Variants in FGF12 observed in about 807,000 individuals in gnomAD.
FGF12 encodes fibroblast growth factor 12.
Under a neutral mutation model 23.6 loss-of-function variants are expected in FGF12, and 14 were observed. The ratio of observed to expected loss-of-function variants is 0.59; its 90% CI spans 0.39 to 0.93. The LOEUF (loss-of-function observed/expected upper bound fraction) is 0.93. Among genes scored for constraint, FGF12 ranks in the 40% least tolerant of loss-of-function variants. The pLI is 0.00. For synonymous variants in FGF12, 62 were observed against 77.3 expected (o/e 0.80, Z 1.04); for missense variants, 175 against 217.8 (o/e 0.80, Z 1.24).
chr3:192,537,950 C>CTTTTTTTTTTTTTTTTT lies in FGF12; in HGVS notation c.14-177413_14-177412insAAAAAAAAAAAAAAAAA, dbSNP rs370317111. Among the ~76,000 whole-genome samples the CTTTTTTTTTTTTTTTTT allele has an allele frequency of 1.5e-3, 180 of 121,326 alleles. 17 individuals carry two copies. Among genetic ancestry groups the CTTTTTTTTTTTTTTTTT allele is most frequent in the African/African-American group, 2.4e-3 (81 of 33,706 alleles). The allele number at this position is 121,326 out of a possible 152,430, so 79.6% of individuals were successfully genotyped here. On this transcript the variant is annotated intron_variant, in intron 2 of 5. Coordinates refer to ENST00000445105, the MANE Select transcript of FGF12 (RefSeq NM_004113.6). ...AAGGTCTTAGATTTAAGCCTTTAAC[C>CTTTTTTTTTTTTTTTTT]TTTTTTTTTTTTTGAGATGGAGTTT...
chr3:192,538,746 C>T (rs970756465), intron 2 of FGF12, among the ~76,000 whole-genome samples: 1 of 152,116 alleles, frequency 6.6e-6, no homozygotes. Context: ...AATATTTTAA[C>T]AATATTGATT....
intron 5 of FGF12, among the ~76,000 whole-genome samples, chr3:192,162,825 T>G (rs1714954730): frequency 6.6e-6 from 1 of 152,120 alleles, no homozygotes; most frequent in African/African-American, 2.4e-5. Context: ...ATTATGTAGT[T>G]TTGAAGGGAT....
chr3:192,160,418 T>C (rs1230514890), intron 5 of FGF12, among the ~76,000 whole-genome samples: 1 of 152,158 alleles, frequency 6.6e-6, no homozygotes, highest in African/African-American at 2.4e-5. Flanking sequence ...TTGGAATCTC[T>C]CAGCTTTGCC....
intron 4 of FGF12, among the ~76,000 whole-genome samples, chr3:192,285,410 T>A (rs1714393869): frequency 6.6e-6 from 1 of 152,040 alleles, no homozygotes; most frequent in Non-Finnish European, 1.5e-5. Context: ...ATTTTCTAGA[T>A]CAATGACTTA....
intron 2 of FGF12, among the ~76,000 whole-genome samples, chr3:192,678,187 C>T (rs984534908): frequency 2.6e-5 from 4 of 152,224 alleles, no homozygotes; most frequent in South Asian, 2.1e-4. Context: ...GTGTGCTCAT[C>T]TTTACAAAAC....
chr3:192,328,546 T>C (rs892440165), intron 4 of FGF12, among the ~76,000 whole-genome samples: 4 of 152,212 alleles, frequency 2.6e-5, no homozygotes, highest in Admixed American at 6.5e-5. Flanking sequence ...GCTTTAGGTA[T>C]TTCTTCCCAT....
intron 2 of FGF12, among the ~76,000 whole-genome samples, chr3:192,704,243 T>C (rs1045646128): frequency 6.6e-6 from 1 of 152,196 alleles, no homozygotes; most frequent in East Asian, 1.9e-4. Flanking sequence ...AATTACTCTT[T>C]GATCCATAGC....
chr3:192,318,502 T>C (rs1432087740), intron 4 of FGF12, among the ~76,000 whole-genome samples: 1 of 152,210 alleles, frequency 6.6e-6, no homozygotes, highest in Middle Eastern at 3.4e-3. Context: ...CTTGGTGAAC[T>C]TGAAGACAGC....
intron 2 of FGF12, among the ~76,000 whole-genome samples, chr3:192,401,389 C>A (rs1378008666): frequency 1.3e-5 from 2 of 152,222 alleles, no homozygotes; most frequent in Non-Finnish European, 2.9e-5. Flanking sequence ...GAAAATTCCA[C>A]TGGACACTTG....
intron 2 of FGF12, among the ~76,000 whole-genome samples, chr3:192,446,464 A>C (rs1294176491): frequency 6.6e-6 from 1 of 152,228 alleles, no homozygotes; most frequent in African/African-American, 2.4e-5. Context: ...TTGAGCACCA[A>C]GTTATGCAAT....
intron 2 of FGF12, among the ~76,000 whole-genome samples, chr3:192,530,735 TG>T (rs1725065688): frequency 6.6e-6 from 1 of 152,190 alleles, no homozygotes; most frequent in African/African-American, 2.4e-5. Flanking sequence ...AGAGTGGTGA[TG>T]GGTGCATAGA....
At chr3:192,202,599 G>A (rs552439045) in intron 4 of FGF12, among the ~76,000 whole-genome samples, 1 of 152,128 alleles carries the variant, frequency 6.6e-6, no homozygotes, top group African/African-American at 2.4e-5. Context: ...GGAAAATCAA[G>A]AAAATATTTA....
chr3:192,341,918 T>C (rs943306286), intron 3 of FGF12, among the ~76,000 whole-genome samples: 5 of 91,580 alleles, frequency 5.5e-5, no homozygotes, highest in Non-Finnish European at 7.6e-5. Flanking sequence ...GGAGTTAACA[T>C]ACAGCACTTG....
intron 4 of FGF12, among the ~76,000 whole-genome samples, chr3:192,261,881 A>G (rs930328766): frequency 1.3e-5 from 2 of 152,102 alleles, no homozygotes; most frequent in African/African-American, 4.8e-5. Context: ...AAAAAATAGT[A>G]GTAGTAGCCC....
chr3:192,385,718 G>T (rs1720013849), intron 2 of FGF12, among the ~76,000 whole-genome samples: 1 of 152,092 alleles, frequency 6.6e-6, no homozygotes, highest in Non-Finnish European at 1.5e-5. Context: ...TCAGGCCAGG[G>T]GCGAATACTC....
intron 4 of FGF12, among the ~76,000 whole-genome samples, chr3:192,311,563 G>C (rs888001359): frequency 1.3e-5 from 2 of 152,070 alleles, no homozygotes; most frequent in African/African-American, 2.4e-5. Flanking sequence ...CATTTGAATT[G>C]TTTCTACTTT....
At chr3:192,345,134 C>G (rs1188595503) in intron 3 of FGF12, among the ~76,000 whole-genome samples, 1 of 152,204 alleles carries the variant, frequency 6.6e-6, no homozygotes, top group African/African-American at 2.4e-5. Flanking sequence ...TTCATTAATT[C>G]ATCACATATA....
chr3:192,722,884 A>G (rs534591145), intron 2 of FGF12, among the ~76,000 whole-genome samples: 1 of 152,222 alleles, frequency 6.6e-6, no homozygotes, highest in South Asian at 2.1e-4. Context: ...ATTCTCAGAA[A>G]TAAGCACATT....
At chr3:192,569,475 A>C (rs1712496289) in intron 2 of FGF12, among the ~76,000 whole-genome samples, 1 of 152,220 alleles carries the variant, frequency 6.6e-6, no homozygotes, top group Non-Finnish European at 1.5e-5. Flanking sequence ...CCAGTAATTA[A>C]ATATTTATAC....
Sources: gnomAD v4.1 joint callset for allele counts (sites outside exome capture counted in the v4.1 genomes callset) on GRCh38, gnomAD v4.1.1 for gene constraint, MANE v1.5 for transcripts, NCBI Gene and HGNC (gene_info 2026-07-23, HGNC 2026-07-21) for gene names.